The following BNC2 variants were observed in gnomAD, a reference collection of about 807,000 sequenced individuals.
BNC2 encodes zinc finger protein basonuclin-2.
BNC2 carries 20 observed loss-of-function variants against 76.3 expected under a neutral mutation model. That is an observed-to-expected ratio of 0.26 (90% CI 0.18 to 0.38). BNC2 has a LOEUF of 0.38. BNC2 is among the 10% of genes least tolerant of loss of function. BNC2 has a pLI of 1.00. For synonymous variants in BNC2, 582 were observed against 514.8 expected, an observed-to-expected ratio of 1.13 and a Z score of -1.77; for missense variants, 1,382 against 1,399.8, an observed-to-expected ratio of 0.99 and a Z score of 0.20.
At chr9:16,513,468 C>A (rs10119249) in intron 5 of BNC2, among the ~76,000 whole-genome samples, 3 of 151,576 alleles carry the variant, frequency 2.0e-5, no homozygotes, top group African/African-American at 7.3e-5. Context: ...CACCATGCCC[C>A]GCTAATTTTT....
intron 5 of BNC2, among the ~76,000 whole-genome samples, chr9:16,447,212 C>T (rs1481618446): frequency 6.6e-6 from 1 of 152,038 alleles, no homozygotes; most frequent in Non-Finnish European, 1.5e-5. Context: ...CCTATGAGTC[C>T]TTAACTTAAG....
intron 1 of BNC2, among the ~76,000 whole-genome samples, chr9:16,834,847 A>G (rs957562706): frequency 3.9e-5 from 6 of 152,072 alleles, no homozygotes; most frequent in African/African-American, 1.4e-4. Flanking sequence ...CCATCTCCGC[A>G]TATTAGTTTT....
At chr9:16,447,844 G>C (rs1024029737) in intron 5 of BNC2, among the ~76,000 whole-genome samples, 7 of 151,914 alleles carry the variant, frequency 4.6e-5, no homozygotes, top group Non-Finnish European at 1.0e-4. Context: ...GTAGTCTTTC[G>C]GAAATCTTTG....
chr9:16,831,034 T>C (rs1395429327), intron 1 of BNC2, among the ~76,000 whole-genome samples: 2 of 152,218 alleles, frequency 1.3e-5, no homozygotes, highest in Non-Finnish European at 2.9e-5. Flanking sequence ...AACGTCATTA[T>C]TTCCTCGTAA....
chr9:16,525,389 A>G (rs964883125), intron 5 of BNC2, among the ~76,000 whole-genome samples: 6 of 152,208 alleles, frequency 3.9e-5, no homozygotes, highest in Non-Finnish European at 8.8e-5. Context: ...TAGATACAAA[A>G]AGGTGCTAAA....
intron 6 of BNC2, among the ~76,000 whole-genome samples, chr9:16,431,853 T>C (rs991602226): frequency 6.6e-6 from 1 of 152,148 alleles, no homozygotes; most frequent in African/African-American, 2.4e-5. Context: ...CATTTCACAA[T>C]AGGGTTTGCA....
intron 1 of BNC2, among the ~76,000 whole-genome samples, chr9:16,770,621 T>C (rs1296331947): frequency 6.6e-6 from 1 of 150,536 alleles, no homozygotes; most frequent in Non-Finnish European, 1.5e-5. Context: ...ACCTCTATTT[T>C]TCAAAAACCC....
chr9:16,771,296 G>C (rs149187893), intron 1 of BNC2, among the ~76,000 whole-genome samples: 1 of 152,164 alleles, frequency 6.6e-6, no homozygotes, highest in Non-Finnish European at 1.5e-5. Context: ...AGACTGATAG[G>C]CTTACAACCC....
At chr9:16,554,595 A>G (rs1286430924) in intron 4 of BNC2, among the ~76,000 whole-genome samples, 4 of 152,174 alleles carry the variant, frequency 2.6e-5, no homozygotes, top group African/African-American at 9.7e-5. Context: ...TAGGGATTGA[A>G]GTTTTCTCTC....
rs1189474237 is a variant in BNC2, at chr9:16,654,374, G to A, written c.331-71289C>T. Among the ~76,000 whole-genome samples, 3 of 152,266 alleles carry A rather than the reference G, an allele frequency of 2.0e-5. No homozygotes were observed. In the East Asian group the frequency reaches 5.8e-4, roughly 29 times the overall value. On this transcript the variant is annotated intron_variant, in intron 3 of 6. Coordinates refer to ENST00000380672, the MANE Select transcript of BNC2 (RefSeq NM_017637.6). ...CAATGCTCATCTCAGATGTTAAAAT[G>A]TACGTAAGTTGTGCTAATGAAAGAG...
chr9:16,450,874 G>C (rs916340319), intron 5 of BNC2, among the ~76,000 whole-genome samples: 1 of 152,178 alleles, frequency 6.6e-6, no homozygotes, highest in African/African-American at 2.4e-5. Context: ...AACTGAGCAG[G>C]TGCTGCAGGG....
intron 3 of BNC2, among the ~76,000 whole-genome samples, chr9:16,712,380 A>G (rs777366846): frequency 6.6e-6 from 1 of 152,212 alleles, no homozygotes; most frequent in Non-Finnish European, 1.5e-5. Flanking sequence ...ACATTTTTAT[A>G]TTTGTGGGAA....
intron 3 of BNC2, among the ~76,000 whole-genome samples, chr9:16,674,174 T>C (rs1485396518): frequency 1.3e-5 from 2 of 152,212 alleles, no homozygotes; most frequent in Non-Finnish European, 2.9e-5. Flanking sequence ...AGGGGACAGC[T>C]AATTTTAAAA....
chr9:16,463,892 T>TGGCCAGG, intron 5 of BNC2, among the ~76,000 whole-genome samples: 1 of 151,984 alleles, frequency 6.6e-6, no homozygotes, highest in Admixed American at 6.5e-5. Context: ...GGTTAGGTGT[T>TGGCCAGG]TGAGACCACC....
At chr9:16,621,141 A>G (rs1425902882) in intron 3 of BNC2, among the ~76,000 whole-genome samples, 3 of 152,086 alleles carry the variant, frequency 2.0e-5, no homozygotes, top group Non-Finnish European at 2.9e-5. Flanking sequence ...CCTTGCCATC[A>G]CCTGCTGATT....
chr9:16,869,483 T>C (rs907953965), intron 1 of BNC2, among the ~76,000 whole-genome samples: 7 of 152,200 alleles, frequency 4.6e-5, no homozygotes, highest in African/African-American at 1.7e-4. Flanking sequence ...GTTGTGACTT[T>C]GATCACTGAA....
At chr9:16,502,991 C>T in intron 5 of BNC2, among the ~76,000 whole-genome samples, 1 of 152,032 alleles carries the variant, frequency 6.6e-6, no homozygotes, top group East Asian at 1.9e-4. Flanking sequence ...TGAAAGCGTA[C>T]CAAGACTTTC....
intron 1 of BNC2, among the ~76,000 whole-genome samples, chr9:16,745,435 A>T (rs187378070): frequency 9.1e-4 from 138 of 152,352 alleles, no homozygotes; most frequent in African/African-American, 3.2e-3. Flanking sequence ...GCGTTAAAGA[A>T]TTAAAGATAT....
In BNC2 at chr9:16,727,701, T is replaced by C. The variant is rs1824381209; in HGVS notation, c.330+96A>G. ...TAGGAAGTGACCACATTTTAAAAAG[T>C]ATTTAGAAAGAAAAACACCAGAAAC... On this transcript the variant is annotated intron_variant, in intron 3 of 6. Coordinates refer to ENST00000380672, the MANE Select transcript of BNC2 (RefSeq NM_017637.6). 8 of 1,115,786 alleles carry C rather than the reference T, an allele frequency of 7.2e-6. No individual in the cohort carries two copies. The East Asian group carries it at 1.2e-4, about 17-fold the overall frequency. 69.1% of individuals were successfully genotyped at this position (1,115,786 alleles called of 1,614,324 possible).
Sources: allele counts gnomAD v4.1 joint callset (sites outside exome capture counted in the v4.1 genomes callset), GRCh38; gene constraint gnomAD v4.1.1; transcripts MANE v1.5; gene names NCBI Gene and HGNC (gene_info 2026-07-23, HGNC 2026-07-21).